KIAA1217: variants seen among roughly 807,000 people sequenced by gnomAD.
KIAA1217 encodes sickle tail protein homolog.
In KIAA1217, 88 loss-of-function variants were observed where a neutral mutation model predicts 163.9. The ratio of observed to expected loss-of-function variants is 0.54; its 90% CI spans 0.45 to 0.64. KIAA1217 has a LOEUF of 0.64. Among genes scored for constraint, KIAA1217 ranks in the 30% least tolerant of loss-of-function variants. KIAA1217 has a pLI of 0.00. For synonymous variants in KIAA1217, 903 were observed against 923.1 expected (o/e 0.98, Z 0.39); for missense variants, 2,372 against 2,475.0 (o/e 0.96, Z 0.88).
chr10:24,156,110 A>G (rs1039385003), intron 2 of KIAA1217, among the ~76,000 whole-genome samples: 1 of 152,180 alleles, frequency 6.6e-6, no homozygotes, highest in African/African-American at 2.4e-5. Flanking sequence ...TGACAAGTCC[A>G]TCACCCATTT....
chr10:23,975,977 ACTG>A (rs1265242675), intron 1 of KIAA1217, among the ~76,000 whole-genome samples: 2 of 152,062 alleles, frequency 1.3e-5, no homozygotes, highest in Admixed American at 6.6e-5. Context: ...CTATGTAGGG[ACTG>A]CTCTTGTTAG....
At chr10:23,849,661 C>T (rs1238788149) in intron 1 of KIAA1217, among the ~76,000 whole-genome samples, 8 of 152,076 alleles carry the variant, frequency 5.3e-5, no homozygotes, top group Non-Finnish European at 1.2e-4. Flanking sequence ...TACCCTAGTA[C>T]ATAAAGTATA....
At chr10:24,044,580 C>T (rs768050288) in intron 2 of KIAA1217, among the ~76,000 whole-genome samples, 1 of 151,912 alleles carries the variant, frequency 6.6e-6, no homozygotes, top group Non-Finnish European at 1.5e-5. Flanking sequence ...CACCTCTTTT[C>T]CATGCTCCCC....
chr10:24,341,461 T>C (rs1208680510), intron 2 of KIAA1217, among the ~76,000 whole-genome samples: 4 of 152,228 alleles, frequency 2.6e-5, no homozygotes, highest in African/African-American at 4.8e-5. Context: ...GAATTCTCCT[T>C]TTGCCTTTCT....
chr10:24,386,445 G>A (rs1443669344), intron 3 of KIAA1217, among the ~76,000 whole-genome samples: 1 of 152,192 alleles, frequency 6.6e-6, no homozygotes, highest in East Asian at 1.9e-4. Context: ...CAGGGCAAAG[G>A]AATTGATGAA....
chr10:24,163,921 C>G (rs1035285794), intron 2 of KIAA1217, among the ~76,000 whole-genome samples: 3 of 152,150 alleles, frequency 2.0e-5, no homozygotes, highest in Non-Finnish European at 4.4e-5. Context: ...TACTTGGGAG[C>G]CTGAGCTGGA....
intron 5 of KIAA1217, among the ~76,000 whole-genome samples, chr10:24,444,873 G>T (rs538220539): frequency 6.6e-6 from 1 of 152,144 alleles, no homozygotes; most frequent in African/African-American, 2.4e-5. Context: ...TGTTTTGTGT[G>T]TTGGCTTCAT....
In KIAA1217 at chr10:24,006,435, C is replaced by G. The variant is rs75071184; in HGVS notation, c.-320-790C>G. ...TCTATTGGGAAAAATACTGTTTTAA[C>G]CAGTTGCCTTATTCTGTGAGCCCCC... is the stretch of plus-strand genomic sequence containing the variant. On this transcript the variant is annotated intron_variant, in intron 1 of 18. Transcript: ENST00000376462. Among the ~76,000 whole-genome samples, 276 of 152,260 alleles carry G rather than the reference C, an allele frequency of 1.8e-3. 3 individuals are homozygous for G. The East Asian group carries it at 0.045, about 25-fold the overall frequency.
chr10:23,794,675 T>G (rs1469227539), intron 1 of KIAA1217, among the ~76,000 whole-genome samples: 1 of 152,224 alleles, frequency 6.6e-6, no homozygotes, highest in African/African-American at 2.4e-5. Flanking sequence ...AATGCATGCT[T>G]TGCTCAAGGT....
At chr10:24,040,203 G>A (rs1017014549) in intron 2 of KIAA1217, among the ~76,000 whole-genome samples, 1 of 152,302 alleles carries the variant, frequency 6.6e-6, no homozygotes, top group African/African-American at 2.4e-5. Context: ...TCCAAGCTAT[G>A]TCACTGTCAG....
chr10:23,897,790 TA>T (rs1398755709), intron 1 of KIAA1217, among the ~76,000 whole-genome samples: 1 of 152,012 alleles, frequency 6.6e-6, no homozygotes, highest in Non-Finnish European at 1.5e-5. Context: ...GGATTAAATA[TA>T]AAAAAGGTTT....
chr10:24,208,681 C>T (rs1672270620), upstream of KIAA1217: 1 of 152,278 alleles, frequency 6.6e-6, no homozygotes, highest in Admixed American at 6.6e-5. Context: ...TGTGGATCAC[C>T]CGATTTGGGA....
At chr10:23,889,276 T>C (rs1006959060) in intron 1 of KIAA1217, among the ~76,000 whole-genome samples, 2 of 151,904 alleles carry the variant, frequency 1.3e-5, no homozygotes, top group Admixed American at 1.3e-4. Flanking sequence ...CTACCTGAAA[T>C]GTATGAGAGT....
intron 2 of KIAA1217, among the ~76,000 whole-genome samples, chr10:24,040,746 A>G (rs1848595245): frequency 6.6e-6 from 1 of 152,128 alleles, no homozygotes; most frequent in Non-Finnish European, 1.5e-5. Context: ...CTGAGTGAAG[A>G]ATTGATTTTG....
intron 2 of KIAA1217, among the ~76,000 whole-genome samples, chr10:24,141,197 A>G (rs2064051739): frequency 6.9e-6 from 1 of 145,258 alleles, no homozygotes; most frequent in Non-Finnish European, 1.5e-5. Flanking sequence ...AGCAAAAAGG[A>G]GTCTCTTAAT....
Position 24,473,995 on chromosome 10 carries a change from T to C in KIAA1217, c.1614T>C (p.Pro538=). 6.2e-7 allele frequency: 1 copy of C among 1,613,534 alleles called. No homozygotes were observed. Among genetic ancestry groups the C allele is most frequent in the Non-Finnish European group, 8.5e-7 (1 of 1,179,748 alleles). The change falls in exon 6 of 21, where the codon CCT becomes CCC. Residue 538 remains proline, a synonymous_variant. Coordinates refer to ENST00000376454, the MANE Select transcript of KIAA1217 (RefSeq NM_019590.5). ...AGLSSLVDLG[P]PLMEKQVFAY... ...TATCCAGCCTTGTAGACCTCGGCCCTCCTCTAATGGAGAAGCAAGTTTTTG... is the reference window on the plus strand; with the variant it reads ...TATCCAGCCTTGTAGACCTCGGCCCCCCTCTAATGGAGAAGCAAGTTTTTG...
chr10:24,327,571 G>A (rs2045087913), intron 2 of KIAA1217, among the ~76,000 whole-genome samples: 1 of 152,054 alleles, frequency 6.6e-6, no homozygotes, highest in Admixed American at 6.6e-5. Flanking sequence ...GCTCACTGCA[G>A]CCTCAAACTC....
At chr10:23,830,807 TAGAGATATATGTGTACACAC>T (rs1838155984) in intron 1 of KIAA1217, among the ~76,000 whole-genome samples, 1 of 142,878 alleles carries the variant, frequency 7.0e-6, no homozygotes. Flanking sequence ...GTGATAGAGA[TAGAGATATATGTGTACACAC>T]ACACACACAC....
chr10:23,934,575 A>ATGTGTGTGTGTGTGTGTG (rs1420302818), intron 1 of KIAA1217, among the ~76,000 whole-genome samples: 3 of 65,968 alleles, frequency 4.5e-5, no homozygotes, highest in African/African-American at 3.8e-4. Context: ...ATATATATAT[A>ATGTGTGTGTGTGTGTGTG]TATATATATA....
Sources: allele counts gnomAD v4.1 joint callset (sites outside exome capture counted in the v4.1 genomes callset), GRCh38; gene constraint gnomAD v4.1.1; transcripts MANE v1.5; gene names NCBI Gene and HGNC (gene_info 2026-07-23, HGNC 2026-07-21).